ITIH2: variants seen among roughly 807,000 people sequenced by gnomAD.
ITIH2 encodes inter-alpha-trypsin inhibitor heavy chain 2, also known as inter-alpha-trypsin inhibitor heavy chain H2.
ITIH2 carries 103 observed loss-of-function variants against 104.4 expected under a neutral mutation model. The ratio of observed to expected loss-of-function variants is 0.99; its 90% CI spans 0.84 to 1.16. The LOEUF (loss-of-function observed/expected upper bound fraction) is 1.16, where lower values mean the gene tolerates loss of function less well. ITIH2 is among the 50% of genes most tolerant of loss of function. ITIH2 has a pLI of 0.00. For synonymous variants in ITIH2, 436 were observed against 435.4 expected, an observed-to-expected ratio of 1.00 and a Z score of -0.02; for missense variants, 1,108 against 1,162.4, an observed-to-expected ratio of 0.95 and a Z score of 0.68.
intron 1 of ITIH2, 63 bp from the exon 2 acceptor site, chr10:7,705,045 A>C (rs974283146): frequency 7.4e-6 from 8 of 1,080,396 alleles, no homozygotes; most frequent in Non-Finnish European, 1.1e-5. Context: ...CGTTGTGCAC[A>C]TGTACCCCAG....
At chr10:7,743,806 A>G (rs1366568968) in intron 17 of ITIH2, among the ~76,000 whole-genome samples, 1 of 152,088 alleles carries the variant, frequency 6.6e-6, no homozygotes, top group Admixed American at 6.6e-5. Flanking sequence ...AAATTTAAAT[A>G]CTATATGATA....
chr10:7,725,857 T>C (rs1834946801), intron 9 of ITIH2, among the ~76,000 whole-genome samples: 1 of 152,032 alleles, frequency 6.6e-6, no homozygotes, highest in Admixed American at 6.6e-5. Flanking sequence ...GGAGCCAAGA[T>C]CAGACAACAG....
At chr10:7,725,267 G>A (rs1240900229) in intron 9 of ITIH2, among the ~76,000 whole-genome samples, 1 of 152,212 alleles carries the variant, frequency 6.6e-6, no homozygotes, top group African/African-American at 2.4e-5. Context: ...ATCTAAATAG[G>A]TGGTTTCCTG....
In ITIH2 at chr10:7,721,562, C is replaced by A; in HGVS notation, c.739-87C>A. On this transcript the variant is annotated intron_variant, in intron 7 of 20. Transcript: ENST00000358415. ...GATTCAGAACGTCCATTGGGCAGCT[C>A]CTCTTCCCTGTGTGCTGGAGAAGGG... 3.1e-6 allele frequency: 4 copies of A among 1,270,994 alleles called. No individual in the cohort carries two copies. In the Admixed American group the frequency reaches 8.3e-5, roughly 26 times the overall value. 78.7% of individuals were successfully genotyped at this position (1,270,994 alleles called of 1,614,324 possible).
rs564485431 is a variant in ITIH2 at position 7,716,722 on chromosome 10, C to T, written c.468-904C>T. ...CTGCACTACAGCCTGGGCAGCAGAG[C>T]GAGACCCCAGCTCAAAAAAAAAAAA... On this transcript the variant is annotated intron_variant, in intron 5 of 20. Transcript: ENST00000358415. Among the ~76,000 whole-genome samples the T allele has an allele frequency of 3.1e-5, 4 of 129,060 alleles. No homozygotes were observed. The South Asian group carries it at 7.3e-4, about 24-fold the overall frequency. 84.7% of individuals were successfully genotyped at this position (129,060 alleles called of 152,430 possible).
chr10:7,737,113 C>T (rs1311212484), intron 15 of ITIH2, among the ~76,000 whole-genome samples: 6 of 151,642 alleles, frequency 4.0e-5, no homozygotes, highest in Admixed American at 2.0e-4. Context: ...GTTTTGCTTC[C>T]TGGAGGACTC....
Position 7,744,790 on chromosome 10 carries a change from G to C in ITIH2, c.2409-1G>C, listed in dbSNP as rs953808163. The C allele has an allele frequency of 2.7e-5, 43 of 1,612,716 alleles. No individual in the cohort carries two copies. The highest frequency in any genetic ancestry group is 3.1e-5 in the Non-Finnish European group (37 of 1,179,354). ...TAATTCCTCTTGGACTTTCACACCA[G>C]GGTGCAGATCTCAGTGAAGAAAGAA... On this transcript the variant is annotated splice_acceptor_variant, in intron 18 of 20. Coordinates refer to ENST00000358415, the MANE Select transcript of ITIH2 (RefSeq NM_002216.3). LOFTEE classifies it high-confidence loss of function.
chr10:7,741,271 C>T (rs564709221), intron 16 of ITIH2, among the ~76,000 whole-genome samples: 111 of 150,182 alleles, frequency 7.4e-4, no homozygotes, highest in African/African-American at 2.5e-3. Flanking sequence ...CTCTGCCTCC[C>T]GGGTTCAAGC....
chr10:7,708,238 T>C (rs17142914), intron 3 of ITIH2, among the ~76,000 whole-genome samples: 7,668 of 152,318 alleles, frequency 0.05, 260 homozygotes, highest in Admixed American at 0.077. Context: ...ATGGGTCTCA[T>C]AGTTGTCCAT....
chr10:7,746,148 T>C (rs1193345794), intron 19 of ITIH2, among the ~76,000 whole-genome samples: 1 of 136,026 alleles, frequency 7.4e-6, no homozygotes, highest in Non-Finnish European at 1.5e-5. Flanking sequence ...TTTGGGAGGC[T>C]GAGGTGGGTG....
At chr10:7,710,353 T>C (rs1834785866) in intron 4 of ITIH2, among the ~76,000 whole-genome samples, 1 of 152,236 alleles carries the variant, frequency 6.6e-6, no homozygotes, top group African/African-American at 2.4e-5. Context: ...TTAATACCAG[T>C]TATCCACTTG....
intron 8 of ITIH2, among the ~76,000 whole-genome samples, chr10:7,723,104 G>A (rs1440732645): frequency 4.0e-5 from 6 of 150,106 alleles, no homozygotes. Context: ...GTGGAGTGGC[G>A]TGGTGTGGTG....
At chr10:7,707,134 C>T (rs554087490) in intron 2 of ITIH2, 67 bp from the exon 3 acceptor site, 41 of 1,106,476 alleles carry the variant, frequency 3.7e-5, no homozygotes, top group Admixed American at 7.9e-5. Context: ...ACTGAGAAAA[C>T]GGTTTTGGCT....
chr10:7,741,287 T>C (rs1452330132), intron 16 of ITIH2, among the ~76,000 whole-genome samples: 1 of 149,212 alleles, frequency 6.7e-6, no homozygotes, highest in Non-Finnish European at 1.5e-5. Flanking sequence ...CAAGCAATTC[T>C]CCTGCCTCAG....
chr10:7,719,285 C>T (rs983159719), intron 6 of ITIH2, among the ~76,000 whole-genome samples: 1 of 152,190 alleles, frequency 6.6e-6, no homozygotes, highest in Admixed American at 6.5e-5. Context: ...CGTGCTTTTG[C>T]GTGAATTGAA....
In ITIH2 at chr10:7,727,775, AC is replaced by A. The variant is rs769267995; in HGVS notation, c.1230del (p.Asn411ThrfsTer5). On this transcript the variant is annotated frameshift_variant, in exon 11 of 21. Transcript: ENST00000358415. LOFTEE classifies it high-confidence loss of function. ...GAAGCCAATAACTTGGGACTGTTAG[AC>A]CCCAACTCCGTCTCGCTGATCATTT... ...LNEANNLGLL[D>X]PNSVSLIILV... 7.2e-5 allele frequency: 116 copies of A among 1,614,112 alleles called. No homozygotes were observed. Among genetic ancestry groups the A allele is most frequent in the Non-Finnish European group, 9.8e-5 (116 of 1,179,970 alleles).
chr10:7,718,037 C>G (rs528525798), intron 6 of ITIH2, among the ~76,000 whole-genome samples: 2 of 152,260 alleles, frequency 1.3e-5, no homozygotes, highest in East Asian at 3.9e-4. Flanking sequence ...GCAAACGCCA[C>G]AGCTTAACAC....
chr10:7,732,011 C>T lies in ITIH2; in HGVS notation c.1647+15C>T, dbSNP rs1564303883. ...CGGCGACTTCGGTACTTCCACTTAT[C>T]CATTTATTCTATCTACTAACTGACC... On this transcript the variant is annotated intron_variant, in intron 13 of 20. Transcript: ENST00000358415. 1.3e-6 allele frequency: 2 copies of T among 1,596,226 alleles called. No individual in the cohort carries two copies. Among genetic ancestry groups the T allele is most frequent in the Non-Finnish European group, 8.6e-7 (1 of 1,165,402 alleles).
chr10:7,747,526 ATG>A (rs1398322095), intron 20 of ITIH2, among the ~76,000 whole-genome samples: 2 of 152,216 alleles, frequency 1.3e-5, no homozygotes, highest in Non-Finnish European at 2.9e-5. Context: ...ATCAGTGAGC[ATG>A]TGTCACAGAA....
Sources: allele counts gnomAD v4.1 joint callset (sites outside exome capture counted in the v4.1 genomes callset), GRCh38; gene constraint gnomAD v4.1.1; transcripts MANE v1.5; gene names NCBI Gene and HGNC (gene_info 2026-07-23, HGNC 2026-07-21).